CSMD1: variants seen among roughly 807,000 people sequenced by gnomAD.
CSMD1 encodes the protein CUB and sushi domain-containing protein 1.
A neutral mutation model predicts 417.5 loss-of-function variants in CSMD1; 213 were observed. The ratio of observed to expected loss-of-function variants is 0.51; its 90% CI spans 0.46 to 0.57. The LOEUF (loss-of-function observed/expected upper bound fraction) is 0.57. Among genes scored for constraint, CSMD1 ranks in the 20% least tolerant of loss-of-function variants. The pLI, the probability that CSMD1 is intolerant of heterozygous loss-of-function variation, is 0.00. For synonymous variants in CSMD1, 2,862 were observed against 1,736.8 expected (o/e 1.65, Z -16.11); for missense variants, 6,923 against 4,529.7 (o/e 1.53, Z -15.17).
chr8:3,676,471 T>C (rs987709003), intron 7 of CSMD1, among the ~76,000 whole-genome samples: 1 of 152,242 alleles, frequency 6.6e-6, no homozygotes, highest in Non-Finnish European at 1.5e-5. Flanking sequence ...ACATGTTATA[T>C]TGTATTTAAT....
intron 5 of CSMD1, among the ~76,000 whole-genome samples, chr8:3,819,581 C>A (rs1487818014): frequency 6.7e-6 from 1 of 149,880 alleles, no homozygotes; most frequent in Admixed American, 6.6e-5. Context: ...TAAACGCCAA[C>A]ATGCGTAACA....
At chr8:3,884,433 G>A (rs903328639) in intron 5 of CSMD1, among the ~76,000 whole-genome samples, 1 of 152,164 alleles carries the variant, frequency 6.6e-6, no homozygotes, top group Non-Finnish European at 1.5e-5. Flanking sequence ...GACACAGAAA[G>A]ACACCAGAGA....
chr8:3,201,499 A>C, intron 32 of CSMD1, 113 bp downstream of exon 32: 1 of 536,320 alleles, frequency 1.9e-6, no homozygotes, highest in Non-Finnish European at 3.2e-6. Context: ...ACGCAAATTC[A>C]AAAATGATTA....
At chr8:3,866,408 G>C (rs527313551) in intron 5 of CSMD1, among the ~76,000 whole-genome samples, 2 of 152,316 alleles carry the variant, frequency 1.3e-5, no homozygotes, top group African/African-American at 2.4e-5. Context: ...ATATGGTTTA[G>C]TAAATGGAAG....
rs116021491 is a variant in CSMD1, at chr8:2,967,488, G to A, written c.8924-742C>T. Among the ~76,000 whole-genome samples the A allele has an allele frequency of 5.6e-3, 857 of 152,236 alleles. 6 individuals are homozygous for A. The highest frequency in any genetic ancestry group is 0.019 in the African/African-American group (790 of 41,542). ...TTAGTCAGTAAACAAAAGCAAGCTC[G>A]GCTGCCGCTGGGTACGTTTCAGGGT... On this transcript the variant is annotated intron_variant, in intron 57 of 69. Coordinates refer to ENST00000635120, the MANE Select transcript of CSMD1 (RefSeq NM_033225.6).
At chr8:4,429,286 A>G (rs148362593) in intron 2 of CSMD1, among the ~76,000 whole-genome samples, 159 of 152,152 alleles carry the variant, frequency 1.0e-3, no homozygotes, top group African/African-American at 3.1e-3. Flanking sequence ...GAAGAGAATA[A>G]TTTCTCATCA....
chr8:4,332,082 C>T (rs1180424242), intron 3 of CSMD1, among the ~76,000 whole-genome samples: 1 of 152,146 alleles, frequency 6.6e-6, no homozygotes, highest in Non-Finnish European at 1.5e-5. Flanking sequence ...ACTGAATCAT[C>T]TATTTTTAAT....
intron 6 of CSMD1, among the ~76,000 whole-genome samples, chr8:3,734,364 G>C (rs555106489): frequency 1.3e-5 from 2 of 152,192 alleles, no homozygotes; most frequent in Admixed American, 1.3e-4. Context: ...CAGCATCGTA[G>C]AAAAATGGAT....
At chr8:4,396,764 G>A (rs568839163) in intron 3 of CSMD1, among the ~76,000 whole-genome samples, 2 of 152,158 alleles carry the variant, frequency 1.3e-5, no homozygotes, top group East Asian at 3.9e-4. Flanking sequence ...TACTCTAAGT[G>A]AAGTACCTCA....
At chr8:3,138,721 G>C (rs936811066) in intron 41 of CSMD1, among the ~76,000 whole-genome samples, 8 of 152,200 alleles carry the variant, frequency 5.3e-5, no homozygotes, top group African/African-American at 1.9e-4. Context: ...AAGGACTGTG[G>C]CTGCTGGAGA....
At chr8:3,561,979 C>G (rs1393292859) in intron 10 of CSMD1, among the ~76,000 whole-genome samples, 2 of 152,084 alleles carry the variant, frequency 1.3e-5, no homozygotes, top group African/African-American at 4.8e-5. Flanking sequence ...CAGGGCTTGC[C>G]TTATCTGCTA....
At chr8:3,580,584 A>G (rs1482718955) in intron 9 of CSMD1, among the ~76,000 whole-genome samples, 2 of 152,220 alleles carry the variant, frequency 1.3e-5, no homozygotes, top group African/African-American at 2.4e-5. Context: ...TAGTAAAAAT[A>G]ATAAGGAGAA....
Position 3,408,192 on chromosome 8 carries a change from C to G in CSMD1, c.1778G>C (p.Gly593Ala). ...SCFFNFTASS[G>A]IILSPNYPEE... ...TGGATAATTTGGTGACAGAATAATC[C>G]CAGATGATGCCGTAAAGTTGAAGAA... The change falls in exon 14 of 70, where the codon GGG (glycine) becomes GCG (alanine). Residue 593 changes from glycine (G) to alanine (A), a missense_variant. Gly to Ala is a moderately conservative substitution (Grantham distance 60). Transcript: ENST00000635120. 1 of 1,608,888 alleles carries G rather than the reference C, an allele frequency of 6.2e-7. No individual in the cohort carries two copies. The highest frequency in any genetic ancestry group is 8.5e-7 in the Non-Finnish European group (1 of 1,177,014).
intron 5 of CSMD1, among the ~76,000 whole-genome samples, chr8:3,987,951 C>G (rs577187842): frequency 5.3e-5 from 8 of 152,256 alleles, no homozygotes; most frequent in African/African-American, 1.2e-4. Context: ...ACTGAGAAAT[C>G]CACAACAAAG....
At chr8:4,361,431 A>G (rs1481404728) in intron 3 of CSMD1, among the ~76,000 whole-genome samples, 3 of 151,984 alleles carry the variant, frequency 2.0e-5, no homozygotes, top group Non-Finnish European at 4.4e-5. Context: ...AATCTGAAAA[A>G]CTAACTCATT....
In CSMD1 at chr8:2,961,159, A is replaced by G; in HGVS notation, c.9684T>C (p.Asn3228=). 1 of 1,599,032 alleles carries G rather than the reference A, an allele frequency of 6.3e-7. No homozygotes were observed. The highest frequency in any genetic ancestry group is 8.5e-7 in the Non-Finnish European group (1 of 1,169,628). The stretch of plus-strand genomic sequence containing the variant: ...GAACTACCTCATAGCCTCTGGAGCT[A>G]TTCTGTATTCCAAAGTGTGGCGTAC... The part of the protein sequence containing the change: ...DPGTPHFGIQ[N]SSRGYEVGST... The change falls in exon 62 of 70, where the codon AAT becomes AAC. Residue 3228 remains asparagine, a synonymous_variant. Coordinates refer to ENST00000635120, the MANE Select transcript of CSMD1 (RefSeq NM_033225.6).
chr8:4,947,309 T>C (rs1473358336), intron 1 of CSMD1, among the ~76,000 whole-genome samples: 1 of 152,188 alleles, frequency 6.6e-6, no homozygotes, highest in Non-Finnish European at 1.5e-5. Context: ...TTTGGTAGTT[T>C]GGAAAAAGGT....
At chr8:3,700,796 G>T (rs778729929) in intron 7 of CSMD1, among the ~76,000 whole-genome samples, 1 of 152,106 alleles carries the variant, frequency 6.6e-6, no homozygotes, top group Admixed American at 6.6e-5. Context: ...TGCAAGGGTG[G>T]GAGCAAAGGA....
chr8:4,498,079 C>T (rs1585167955), intron 2 of CSMD1, among the ~76,000 whole-genome samples: 1 of 152,186 alleles, frequency 6.6e-6, no homozygotes, highest in Non-Finnish European at 1.5e-5. Flanking sequence ...CCTGCTTATA[C>T]ATCTATTTTA....
Sources: allele counts gnomAD v4.1 joint callset (sites outside exome capture counted in the v4.1 genomes callset), GRCh38; gene constraint gnomAD v4.1.1; transcripts MANE v1.5; gene names NCBI Gene and HGNC (gene_info 2026-07-23, HGNC 2026-07-21).